Variants in PPIL2 observed in about 807,000 individuals in gnomAD.
The protein encoded by PPIL2 is peptidylprolyl isomerase like 2.
Under a neutral mutation model 75.2 loss-of-function variants are expected in PPIL2, and 50 were observed. That is an observed-to-expected ratio of 0.66 (90% CI 0.53 to 0.84). The LOEUF (loss-of-function observed/expected upper bound fraction) is 0.84. PPIL2 is among the 40% of genes least tolerant of loss of function. PPIL2 has a pLI of 0.00. For synonymous variants in PPIL2, 245 were observed against 258.8 expected (o/e 0.95, Z 0.51); for missense variants, 590 against 685.0 (o/e 0.86, Z 1.55).
At chr22:21,675,589 G>T (rs1042797888) in intron 6 of PPIL2, among the ~76,000 whole-genome samples, 3 of 152,218 alleles carry the variant, frequency 2.0e-5, no homozygotes, top group Admixed American at 6.5e-5. Context: ...GTTTTAAGGT[G>T]GGGGAGGTTG....
chr22:21,692,566 T>C (rs1767485812), intron 15 of PPIL2, among the ~76,000 whole-genome samples: 1 of 152,120 alleles, frequency 6.6e-6, no homozygotes, highest in Admixed American at 6.5e-5. Context: ...GCTTCTCTTC[T>C]CTTTCTGCTG....
intron 6 of PPIL2, among the ~76,000 whole-genome samples, chr22:21,677,743 C>A (rs1238184439): frequency 6.6e-6 from 1 of 152,174 alleles, no homozygotes; most frequent in Non-Finnish European, 1.5e-5. Context: ...TGAGTGCCTG[C>A]CATGTGCAGA....
chr22:21,699,788 C>T (rs1442123234), downstream of PPIL2: 2 of 152,686 alleles, frequency 1.3e-5, no homozygotes, highest in African/African-American at 2.4e-5. Flanking sequence ...GACTTTTCCT[C>T]GGTCCAGTGT....
In PPIL2 at chr22:21,671,037, G is replaced by A. The variant is rs774909103; in HGVS notation, c.169G>A (p.Asp57Asn). 3.1e-5 allele frequency: 50 copies of A among 1,612,800 alleles called. No individual in the cohort carries two copies. In the Admixed American group the frequency reaches 3.8e-4, roughly 12 times the overall value. ...QPFVYPVCTP[D>N]GIVFDLLNIV... ...CTTTGTCTACCCAGTCTGCACTCCC[G>A]ATGGCATCGTCTTTGACTTACTGTG... Residue 57 changes from aspartate to asparagine, a missense_variant, in exon 4 of 20, where the codon GAT becomes AAT. Physicochemically the swap from Asp to Asn is conservative, Grantham distance 23. Transcript: ENST00000398831.
chr22:21,668,638 T>A (rs1208140114), intron 1 of PPIL2, among the ~76,000 whole-genome samples: 5 of 141,044 alleles, frequency 3.5e-5, no homozygotes, highest in African/African-American at 7.7e-5. Context: ...AAAAAAAAAA[T>A]AAATAAAATA....
chr22:21,699,813 A>G (rs2068046389), downstream of PPIL2: 1 of 152,610 alleles, frequency 6.6e-6, no homozygotes, highest in African/African-American at 2.4e-5. Context: ...CTCTATAGAC[A>G]TGGACCAGCC....
Position 21,687,664 on chromosome 22 carries a change from T to G in PPIL2, c.919T>G (p.Phe307Val). Residue 307 changes from phenylalanine to valine, a missense_variant, in exon 13 of 20, where the codon TTC becomes GTC. Coordinates refer to ENST00000398831, the MANE Select transcript of PPIL2 (RefSeq NM_014337.4). ...GCAGACACCAAAAACCTGCGAAAAC[T>G]TCATCAGGCTTTGCAAGAAGCATTA... is the stretch of plus-strand genomic sequence containing the variant. ...CDLTPKTCEN[F>V]IRLCKKHYYD... 1 of 1,446,582 alleles carries G rather than the reference T, an allele frequency of 6.9e-7. No individual in the cohort carries two copies. The highest frequency in any genetic ancestry group is 9.3e-7 in the Non-Finnish European group (1 of 1,073,656). 89.6% of individuals were successfully genotyped at this position (1,446,582 alleles called of 1,614,324 possible).
intron 15 of PPIL2, among the ~76,000 whole-genome samples, chr22:21,690,263 A>G (rs745477139): frequency 6.6e-6 from 1 of 151,994 alleles, no homozygotes; most frequent in Non-Finnish European, 1.5e-5. Flanking sequence ...GTGCGCCTGT[A>G]GTCCCAGCTG....
rs74874117 is a variant in PPIL2 at position 21,689,318 on chromosome 22, G to A, written c.1139+469G>A. On this transcript the variant is annotated intron_variant, in intron 15 of 19. Coordinates refer to ENST00000398831, the MANE Select transcript of PPIL2 (RefSeq NM_014337.4). Reference sequence around the variant, plus strand: ...CAGCAGGGCCATGCACACAGGGGCCGGATGCCTGTATTGTGGAAGAACAGA... The same window carrying A: ...CAGCAGGGCCATGCACACAGGGGCCAGATGCCTGTATTGTGGAAGAACAGA... 7.1e-3 allele frequency among the ~76,000 whole-genome samples: 1,078 copies of A among 152,324 alleles called. 9 individuals carry two copies. Among genetic ancestry groups the A allele is most frequent in the African/African-American group, 0.025 (1,023 of 41,568 alleles).
intron 1 of PPIL2, among the ~76,000 whole-genome samples, chr22:21,667,765 A>ATT (rs55832180): frequency 1.1e-4 from 8 of 69,872 alleles, no homozygotes; most frequent in East Asian, 3.9e-4. Context: ...GACATCTCAA[A>ATT]TTTTTTTTTT....
At chr22:21,689,142 A>G (rs1474338350) in intron 15 of PPIL2, among the ~76,000 whole-genome samples, 4 of 152,202 alleles carry the variant, frequency 2.6e-5, no homozygotes, top group Admixed American at 6.5e-5. Context: ...GCCTGTGGCC[A>G]GGCAGTGCTG....
chr22:21,675,304 G>A (rs1249039695), intron 6 of PPIL2, among the ~76,000 whole-genome samples, 189 bp downstream of exon 6: 2 of 152,210 alleles, frequency 1.3e-5, no homozygotes, highest in African/African-American at 4.8e-5. Context: ...TTGGGAGGCC[G>A]AGGCGGATGG....
downstream of PPIL2, chr22:21,698,771 C>T (rs1307669722): frequency 6.6e-6 from 1 of 152,426 alleles, no homozygotes; most frequent in Non-Finnish European, 1.5e-5. Context: ...ACCATGGCAG[C>T]AAGAGCCCTG....
Position 21,696,930 on chromosome 22 carries a change from C to T in PPIL2, c.*1440C>T. ...GGTATGTCTGCCCCTCGTCACCCTG[C>T]TGCACACCAATCTGTGGCCCTTCAT... On this transcript the variant is annotated 3_prime_UTR_variant, in exon 20 of 20. Transcript: ENST00000398831. 1 of 1,587,288 alleles carries T rather than the reference C, an allele frequency of 6.3e-7. No individual in the cohort carries two copies. Among genetic ancestry groups the T allele is most frequent in the African/African-American group, 1.3e-5 (1 of 74,364 alleles).
intron 6 of PPIL2, among the ~76,000 whole-genome samples, chr22:21,675,710 G>A (rs2066812997): frequency 6.6e-6 from 1 of 152,250 alleles, no homozygotes; most frequent in African/African-American, 2.4e-5. Flanking sequence ...GCCCCCTCTG[G>A]CTGAGGCTGT....
chr22:21,672,206 C>G (rs776528737), intron 4 of PPIL2, 124 bp from the exon 5 acceptor site: 16 of 755,688 alleles, frequency 2.1e-5, no homozygotes, highest in African/African-American at 3.5e-5. Context: ...CTCTTCCTCT[C>G]CTAAAGTGAA....
chr22:21,675,157 G>C, intron 6 of PPIL2, 42 bp downstream of exon 6: 1 of 1,537,742 alleles, frequency 6.5e-7, no homozygotes, highest in Non-Finnish European at 9.0e-7. Context: ...TTGACCTGCA[G>C]ACCCAAGGGC....
At chr22:21,678,775 G>C (rs999979618) in intron 6 of PPIL2, among the ~76,000 whole-genome samples, 1 of 152,168 alleles carries the variant, frequency 6.6e-6, no homozygotes, top group African/African-American at 2.4e-5. Flanking sequence ...TGCCCAGGCT[G>C]GAGTGTAGTG....
intron 3 of PPIL2, 139 bp from the exon 4 acceptor site, chr22:21,670,858 G>T: frequency 1.1e-6 from 1 of 932,134 alleles, no homozygotes; most frequent in Non-Finnish European, 1.8e-6. Context: ...GAGAAGGTTG[G>T]TGAGAGAGGG....
Sources: gnomAD v4.1 joint callset for allele counts (sites outside exome capture counted in the v4.1 genomes callset) on GRCh38, gnomAD v4.1.1 for gene constraint, MANE v1.5 for transcripts, NCBI Gene and HGNC (gene_info 2026-07-23, HGNC 2026-07-21) for gene names.